SPOCD1: variants seen among roughly 807,000 people sequenced by gnomAD.
SPOCD1 encodes the protein SPOC domain containing 1.
A neutral mutation model predicts 92.2 loss-of-function variants in SPOCD1; 64 were observed. The ratio of observed to expected loss-of-function variants is 0.69; its 90% CI spans 0.57 to 0.86. The LOEUF (loss-of-function observed/expected upper bound fraction) is 0.86, where lower values mean the gene tolerates loss of function less well. Among genes scored for constraint, SPOCD1 ranks in the 40% least tolerant of loss-of-function variants. The probability of loss-of-function intolerance (pLI) is 0.00; values close to 1 mark genes in which losing one functional copy is unlikely to be tolerated. For missense variants in SPOCD1, 1,360 were observed against 1,543.1 expected, an observed-to-expected ratio of 0.88 and a Z score of 1.99; for synonymous variants, 578 against 619.3, an observed-to-expected ratio of 0.93 and a Z score of 0.99.
At chr1:31,796,104 T>C (rs1647994423) in intron 10 of SPOCD1, 1 of 248,268 alleles carries the variant, frequency 4.0e-6, no homozygotes, top group African/African-American at 2.3e-5. Flanking sequence ...GTCACTCCCG[T>C]TGGCTTCCCA....
chr1:31,815,723 C>T (rs1649516747), intron 1 of SPOCD1: 1 of 164,944 alleles, frequency 6.1e-6, no homozygotes, highest in African/African-American at 2.4e-5. Context: ...CACTGAGATT[C>T]TGAGATGTTA....
chr1:31,808,968 C>A (rs1373798229), intron 2 of SPOCD1, among the ~76,000 whole-genome samples: 1 of 152,164 alleles, frequency 6.6e-6, no homozygotes. Flanking sequence ...GGCCGAGGAT[C>A]ACCTGAGGTC....
intron 3 of SPOCD1, 116 bp from the exon 4 acceptor site, chr1:31,800,733 G>A (rs918690557): frequency 9.7e-6 from 9 of 928,086 alleles, no homozygotes; most frequent in South Asian, 3.4e-5. Flanking sequence ...TGTAAGCTCC[G>A]TGAGGATAGA....
Position 31,793,889 on chromosome 1 carries a change from G to A in SPOCD1, c.2392C>T (p.Pro798Ser). 1 of 1,610,930 alleles carries A rather than the reference G, an allele frequency of 6.2e-7. No homozygotes were observed. The highest frequency in any genetic ancestry group is 8.5e-7 in the Non-Finnish European group (1 of 1,177,554). Reference sequence around the variant, plus strand: ...AAGGAGCCTAGCAGCTCATTCGAGGGCTCCCAGTCTGCAAATAGCAGAGGC... The same window carrying A: ...AAGGAGCCTAGCAGCTCATTCGAGGACTCCCAGTCTGCAAATAGCAGAGGC... Reference protein sequence around the residue: ...PNCHICKDWEPSNELLGSFEA... With the variant: ...PNCHICKDWESSNELLGSFEA... Residue 798 changes from proline to serine, a missense_variant, in exon 12 of 16, where the codon CCC (proline) becomes TCC (serine). Physicochemically the swap from Pro to Ser is moderately conservative, Grantham distance 74. Transcript: ENST00000360482.
rs140487341 is a variant in SPOCD1, at chr1:31,793,720, T to A, written c.2534+27A>T. 9.7e-4 allele frequency: 1,560 copies of A among 1,613,584 alleles called. 4 individuals carry two copies. In the African/African-American group the frequency reaches 0.015, roughly 15 times the overall value. On this transcript the variant is annotated intron_variant, in intron 12 of 15. Coordinates refer to ENST00000360482, the MANE Select transcript of SPOCD1 (RefSeq NM_144569.7). ...CCTCCCCCTCAACCCTGCTGGGTTA[T>A]CCACCTCCCTGCTCCCAACCCCACA...
Position 31,814,007 on chromosome 1 carries a change from C to G in SPOCD1, c.1327G>C (p.Asp443His). Residue 443 changes from aspartate to histidine, a missense_variant, in exon 2 of 16, where the codon GAC becomes CAC. Transcript: ENST00000360482. The surrounding 1 kb of genome is among the most constrained non-coding windows in gnomAD (Gnocchi z 4.2). ...TCTGGCCTGTCCTGGTGGGAGTTGT[C>G]TGAGCTTCTGTCTGTGCCCCGGTCT... ...AQDRGTDRSSDNSHQDRPEEP... is the reference protein window; with the variant it reads ...AQDRGTDRSSHNSHQDRPEEP... 6.2e-7 allele frequency: 1 copy of G among 1,603,848 alleles called. No homozygotes were observed. Among genetic ancestry groups the G allele is most frequent in the Non-Finnish European group, 8.5e-7 (1 of 1,173,494 alleles).
chr1:31,801,834 G>C, intron 2 of SPOCD1, 129 bp from the exon 3 acceptor site: 1 of 789,720 alleles, frequency 1.3e-6, no homozygotes, highest in East Asian at 2.5e-5. Flanking sequence ...TGTACTTACA[G>C]CAAAAAGTTG....
At chr1:31,791,591 G>A (rs575318949) in intron 15 of SPOCD1, among the ~76,000 whole-genome samples, 2 of 152,288 alleles carry the variant, frequency 1.3e-5, no homozygotes, top group East Asian at 1.9e-4. Context: ...TGCCAACCTC[G>A]CTGCTTTCCT....
At position 31,800,557 on chromosome 1, in the gene SPOCD1, GC is replaced by G. The variant is rs780220675; in HGVS notation, c.1485del (p.Gln496SerfsTer9). 16 of 1,610,636 alleles carry G rather than the reference GC, an allele frequency of 9.9e-6. No individual in the cohort carries two copies. Among genetic ancestry groups the G allele is most frequent in the African/African-American group, 5.3e-5 (4 of 74,886 alleles). ...AGAACCTCCAGCTTTGGTGGCAGCTGCCCCCCTGCCTGGCCGTGGCTGATGG... is the reference window on the plus strand; with the variant it reads ...AGAACCTCCAGCTTTGGTGGCAGCTGCCCCCTGCCTGGCCGTGGCTGATGG... ...LGAISHGQAG[G>X]QLPPKLEVLE... On this transcript the variant is annotated frameshift_variant, in exon 4 of 16. Coordinates refer to ENST00000360482, the MANE Select transcript of SPOCD1 (RefSeq NM_144569.7). LOFTEE classifies it high-confidence loss of function.
chr1:31,791,375 G>A (rs1570142475), intron 15 of SPOCD1, 84 bp from the exon 16 acceptor site: 3 of 1,142,938 alleles, frequency 2.6e-6, no homozygotes, highest in African/African-American at 3.2e-5. Context: ...GTGAGATGGG[G>A]CCCATGAGAT....
intron 2 of SPOCD1, among the ~76,000 whole-genome samples, chr1:31,805,725 C>A (rs1648778623): frequency 6.7e-6 from 1 of 150,114 alleles, no homozygotes; most frequent in Non-Finnish European, 1.5e-5. Context: ...GACTGTGTCT[C>A]AAAAAAAAGC....
chr1:31,796,445 A>T, intron 10 of SPOCD1, 145 bp downstream of exon 10: 1 of 1,276,382 alleles, frequency 7.8e-7, no homozygotes, highest in Non-Finnish European at 1.1e-6. Context: ...CCTATGCGTT[A>T]AGGATCGCTG....
chr1:31,813,742 G>C (rs1649353047), intron 2 of SPOCD1, among the ~76,000 whole-genome samples: 1 of 152,200 alleles, frequency 6.6e-6, no homozygotes, highest in East Asian at 1.9e-4. Flanking sequence ...GACTCCAAAA[G>C]ATAATGACCC....
chr1:31,792,620 G>A, intron 14 of SPOCD1, 58 bp downstream of exon 14: 1 of 1,392,830 alleles, frequency 7.2e-7, no homozygotes, highest in Non-Finnish European at 9.8e-7. Flanking sequence ...TAGAAGTGGA[G>A]AGGGAGGTGG....
chr1:31,798,155 C>A lies in SPOCD1; in HGVS notation c.2145+52G>T. On this transcript the variant is annotated intron_variant, in intron 9 of 15. Transcript: ENST00000360482. This position sits in a 1 kb window ranked among gnomAD's most constrained non-coding sequence, Gnocchi z 4.1. ...CTCTCCCTCTTCCACTCTCAGGCCA[C>A]CCACTCTGCCCCTACATCCCCTCAC... The A allele has an allele frequency of 1.5e-6, 2 of 1,373,954 alleles. No individual in the cohort carries two copies. The highest frequency in any genetic ancestry group is 2.1e-6 in the Non-Finnish European group (2 of 961,414). The allele number at this position is 1,373,954 out of a possible 1,614,324, so 85.1% of individuals were successfully genotyped here. A position where few individuals can be genotyped will look rare whatever the true frequency, so the allele number is the denominator to read the frequency against.
At chr1:31,804,698 G>GA (rs1356048665) in intron 2 of SPOCD1, among the ~76,000 whole-genome samples, 2 of 134,846 alleles carry the variant, frequency 1.5e-5, no homozygotes, top group Admixed American at 7.5e-5. Context: ...TAGATAAGAT[G>GA]AAAGGAAGAA....
In SPOCD1 at chr1:31,792,383, G is replaced by A. The variant is rs1647664698; in HGVS notation, c.2794C>T (p.Leu932=). The stretch of plus-strand genomic sequence containing the variant: ...GTGTCCCGGGCCCCATGTGGGCACA[G>A]TCTGACCACGCAGACGTCCTGCGGT... ...AKAKDVCVVR[L]CPHGARDTQN... Residue 932 remains leucine (L), a synonymous_variant, in exon 15 of 16, where the codon CTG becomes TTG. Coordinates refer to ENST00000360482, the MANE Select transcript of SPOCD1 (RefSeq NM_144569.7). The A allele has an allele frequency of 3.7e-6, 6 of 1,613,754 alleles. No homozygotes were observed. Among genetic ancestry groups the A allele is most frequent in the Non-Finnish European group, 5.1e-6 (6 of 1,180,020 alleles).
chr1:31,800,644 C>G (rs768265350), intron 3 of SPOCD1, 27 bp from the exon 4 acceptor site: 3 of 1,561,264 alleles, frequency 1.9e-6, no homozygotes, highest in African/African-American at 2.7e-5. Flanking sequence ...ACTTCAGAAG[C>G]AAGCGGGGCC....
intron 2 of SPOCD1, among the ~76,000 whole-genome samples, chr1:31,803,323 G>A (rs1045566210): frequency 3.3e-5 from 5 of 151,710 alleles, no homozygotes; most frequent in Non-Finnish European, 7.4e-5. Flanking sequence ...AAAATATAAC[G>A]ATCTTAATTA....
Sources: gnomAD v4.1 joint callset for allele counts (sites outside exome capture counted in the v4.1 genomes callset) on GRCh38, gnomAD v4.1.1 for gene constraint, Gnocchi (gnomAD v3.1) non-coding constraint, MANE v1.5 for transcripts, NCBI Gene and HGNC (gene_info 2026-07-23, HGNC 2026-07-21) for gene names.